Variants in CDK14 observed in about 807,000 individuals in gnomAD.
The protein encoded by CDK14 is cyclin dependent kinase 14.
Under a neutral mutation model 60.7 loss-of-function variants are expected in CDK14, and 34 were observed. The ratio of observed to expected loss-of-function variants is 0.56; its 90% CI spans 0.43 to 0.75. The LOEUF (loss-of-function observed/expected upper bound fraction) is 0.75. Ranked by LOEUF, CDK14 falls within the 30% of genes least tolerant of loss-of-function variation. The pLI is 0.00. For synonymous variants in CDK14, 197 were observed against 203.7 expected, an observed-to-expected ratio of 0.97 and a Z score of 0.28; for missense variants, 482 against 564.1, an observed-to-expected ratio of 0.85 and a Z score of 1.47.
intron 5 of CDK14, among the ~76,000 whole-genome samples, chr7:90,847,074 G>A (rs1790492627): frequency 6.6e-6 from 1 of 152,142 alleles, no homozygotes; most frequent in Non-Finnish European, 1.5e-5. Flanking sequence ...TAGGGAAGGA[G>A]GGTTTGTAAT....
At position 91,126,208 on chromosome 7, in the gene CDK14, A is replaced by C. The variant is rs528106369; in HGVS notation, c.*28+8000A>C. ...CCCCACTAAGTTTAAATATAATTAA[A>C]TAAACTGATTCTGCACAGGCAGGAA... On this transcript the variant is annotated intron_variant, in intron 14 of 14. Coordinates refer to ENST00000380050, the MANE Select transcript of CDK14 (RefSeq NM_001287135.2). 3.9e-5 allele frequency among the ~76,000 whole-genome samples: 6 copies of C among 152,348 alleles called. No homozygotes were observed. In the East Asian group the frequency reaches 1.2e-3, roughly 29 times the overall value.
At chr7:91,061,171 C>T (rs1192166179) in intron 11 of CDK14, among the ~76,000 whole-genome samples, 3 of 152,328 alleles carry the variant, frequency 2.0e-5, no homozygotes, top group East Asian at 1.9e-4. Flanking sequence ...CACTGATACC[C>T]TTTCTTCCAG....
At chr7:91,091,533 G>A (rs1209533772) in intron 12 of CDK14, among the ~76,000 whole-genome samples, 1 of 102,146 alleles carries the variant, frequency 9.8e-6, no homozygotes, top group Non-Finnish European at 1.9e-5. Context: ...GCCAGGCATG[G>A]TGGCATATGC....
At chr7:91,093,816 C>T (rs916882163) in intron 12 of CDK14, among the ~76,000 whole-genome samples, 2 of 152,126 alleles carry the variant, frequency 1.3e-5, no homozygotes, top group Non-Finnish European at 2.9e-5. Context: ...AAATGTGGCA[C>T]ATATACATCA....
At chr7:90,663,482 G>A (rs558098172) in intron 2 of CDK14, among the ~76,000 whole-genome samples, 13 of 152,290 alleles carry the variant, frequency 8.5e-5, no homozygotes, top group African/African-American at 3.1e-4. Flanking sequence ...CAGTGTGTTA[G>A]TTTATGCCTT....
intron 5 of CDK14, among the ~76,000 whole-genome samples, chr7:90,830,731 T>C (rs1169019490): frequency 3.3e-5 from 5 of 152,174 alleles, no homozygotes; most frequent in Non-Finnish European, 5.9e-5. Context: ...TGAACACATA[T>C]GACTCTACAC....
chr7:90,638,136 A>G (rs1170742247), intron 2 of CDK14, among the ~76,000 whole-genome samples: 5 of 151,928 alleles, frequency 3.3e-5, no homozygotes, highest in Admixed American at 2.6e-4. Context: ...TTACATTTAA[A>G]GTTAATATTG....
intron 7 of CDK14, among the ~76,000 whole-genome samples, chr7:90,909,012 GTTACT>G (rs1792805113): frequency 6.6e-6 from 1 of 152,028 alleles, no homozygotes; most frequent in Non-Finnish European, 1.5e-5. Flanking sequence ...TATCTAAAAT[GTTACT>G]TTAGTCAGAA....
rs531121800 is a variant in CDK14, at chr7:91,195,035, C to T, written c.*29-12130C>T. Among the ~76,000 whole-genome samples, 4 of 152,336 alleles carry T rather than the reference C, an allele frequency of 2.6e-5. No homozygotes were observed. In the East Asian group the frequency reaches 5.8e-4, roughly 22 times the overall value. On this transcript the variant is annotated intron_variant, in intron 14 of 14. Transcript: ENST00000380050. Reference sequence around the variant, plus strand: ...GAGATTGACCCCAGGCCTGCAACCACTGTTCTTTGCTCTGCCACTAAACCA... The same window carrying T: ...GAGATTGACCCCAGGCCTGCAACCATTGTTCTTTGCTCTGCCACTAAACCA...
At chr7:91,105,108 A>G (rs1304488013) in intron 12 of CDK14, among the ~76,000 whole-genome samples, 1 of 152,192 alleles carries the variant, frequency 6.6e-6, no homozygotes, top group Non-Finnish European at 1.5e-5. Flanking sequence ...CAGCTGAACC[A>G]AGAAGAAAAT....
intron 6 of CDK14, among the ~76,000 whole-genome samples, chr7:90,871,355 A>G (rs1791367419): frequency 6.6e-6 from 1 of 152,202 alleles, no homozygotes; most frequent in South Asian, 2.1e-4. Context: ...AAAACAATCC[A>G]TGTAAAAAAA....
intron 10 of CDK14, among the ~76,000 whole-genome samples, chr7:91,044,875 TC>T (rs1797189821): frequency 6.6e-6 from 1 of 152,190 alleles, no homozygotes. Flanking sequence ...GCCTCCCTGA[TC>T]CGAACAGACC....
intron 14 of CDK14, among the ~76,000 whole-genome samples, chr7:91,159,202 T>C (rs1479506993): frequency 6.6e-6 from 1 of 152,166 alleles, no homozygotes; most frequent in East Asian, 1.9e-4. Context: ...CTGTGTTTTC[T>C]AACAAAAAAC....
At chr7:90,732,948 A>G (rs1802931479) in intron 3 of CDK14, among the ~76,000 whole-genome samples, 1 of 151,778 alleles carries the variant, frequency 6.6e-6, no homozygotes, top group African/African-American at 2.4e-5. Flanking sequence ...TCAATTTTAG[A>G]TCTTTCCTGC....
At chr7:90,838,173 A>C (rs933174792) in intron 5 of CDK14, among the ~76,000 whole-genome samples, 5 of 152,158 alleles carry the variant, frequency 3.3e-5, no homozygotes, top group Non-Finnish European at 7.3e-5. Flanking sequence ...ATACTTTTAT[A>C]ATTTCTTATG....
chr7:90,813,111 T>G (rs1789203953), intron 5 of CDK14, among the ~76,000 whole-genome samples: 1 of 152,214 alleles, frequency 6.6e-6, no homozygotes, highest in South Asian at 2.1e-4. Flanking sequence ...TTGAACCTCA[T>G]AAACACTGTG....
At chr7:91,135,754 G>A (rs1445551730) in intron 14 of CDK14, among the ~76,000 whole-genome samples, 1 of 152,058 alleles carries the variant, frequency 6.6e-6, no homozygotes, top group Non-Finnish European at 1.5e-5. Context: ...TAAACCCAAA[G>A]GGCTCAAAGC....
In CDK14 at chr7:90,955,582, C is replaced by T. The variant is rs1022567343; in HGVS notation, c.827-115C>T. 1.2e-5 allele frequency: 14 copies of T among 1,159,510 alleles called. 1 individual carries two copies. Among genetic ancestry groups the T allele is most frequent in the Non-Finnish European group, 1.7e-5 (14 of 800,370 alleles). The allele number at this position is 1,159,510 out of a possible 1,614,324, so 71.8% of individuals were successfully genotyped here. ...TTTCTATTAACCTTGATACTGCACT[C>T]CTGATTCTGTATTAAAAGGTCGGGT... On this transcript the variant is annotated intron_variant, in intron 8 of 14. Coordinates refer to ENST00000380050, the MANE Select transcript of CDK14 (RefSeq NM_001287135.2).
intron 5 of CDK14, among the ~76,000 whole-genome samples, chr7:90,805,100 G>C (rs1004651175): frequency 4.6e-5 from 7 of 151,914 alleles, no homozygotes; most frequent in African/African-American, 1.7e-4. Context: ...TTTAAATTGA[G>C]GTGTTTGTTC....
Sources: gnomAD v4.1 joint callset for allele counts (sites outside exome capture counted in the v4.1 genomes callset) on GRCh38, gnomAD v4.1.1 for gene constraint, MANE v1.5 for transcripts, NCBI Gene and HGNC (gene_info 2026-07-23, HGNC 2026-07-21) for gene names.